PCDHA5: variants seen among roughly 807,000 people sequenced by gnomAD.
PCDHA5 encodes the protein protocadherin alpha 5.
A neutral mutation model predicts 61.6 loss-of-function variants in PCDHA5; 43 were observed. The ratio of observed to expected loss-of-function variants is 0.70; its 90% CI spans 0.55 to 0.90. The LOEUF is 0.90. Ranked by LOEUF, PCDHA5 falls within the 40% of genes least tolerant of loss-of-function variation. PCDHA5 has a pLI of 0.00. For missense variants in PCDHA5, 1,298 were observed against 1,222.7 expected (o/e 1.06, Z -0.92); for synonymous variants, 627 against 543.9 (o/e 1.15, Z -2.13).
At chr5:140,933,480 G>C (rs1255769578) in intron 1 of PCDHA5, among the ~76,000 whole-genome samples, 1 of 151,846 alleles carries the variant, frequency 6.6e-6, no homozygotes, top group South Asian at 2.1e-4. Flanking sequence ...ACACATTATG[G>C]TTATTCTTTA....
At chr5:140,962,673 C>T (rs1409804701) in intron 1 of PCDHA5, among the ~76,000 whole-genome samples, 2 of 152,164 alleles carry the variant, frequency 1.3e-5, no homozygotes, top group African/African-American at 4.8e-5. Flanking sequence ...TTCCCATCCA[C>T]TGGATGTTTT....
intron 3 of PCDHA5, among the ~76,000 whole-genome samples, chr5:141,000,558 G>C (rs1462892656): frequency 6.7e-6 from 1 of 149,136 alleles, no homozygotes; most frequent in African/African-American, 2.5e-5. Context: ...CTCCCGAGTA[G>C]CTGGGATTAC....
intron 1 of PCDHA5, among the ~76,000 whole-genome samples, chr5:140,844,717 G>A (rs1779511876): frequency 6.7e-6 from 1 of 149,352 alleles, no homozygotes. Context: ...TGGCCCATTA[G>A]TTCGTGTAAA....
intron 1 of PCDHA5, among the ~76,000 whole-genome samples, chr5:140,938,918 A>T (rs2092265154): frequency 6.6e-6 from 1 of 152,006 alleles, no homozygotes; most frequent in Non-Finnish European, 1.5e-5. Flanking sequence ...CACGCACAAG[A>T]AATTGGCTTT....
chr5:140,824,106 G>A lies in PCDHA5; in HGVS notation c.2331G>A (p.Gln777=). The change falls in exon 1 of 4, where the codon CAG becomes CAA. Residue 777 remains glutamine (Q), a synonymous_variant. Transcript: ENST00000529859. ...TGGCCTTCAGTCCAAGCCTTCCTCA[G>A]GGTCCCACCTCTACAGACAACGTGA... ...DLMAFSPSLP[Q]GPTSTDNPRQ... is the part of the protein sequence containing the mutation. 1 of 1,614,086 alleles carries A rather than the reference G, an allele frequency of 6.2e-7. No individual in the cohort carries two copies. Among genetic ancestry groups the A allele is most frequent in the Non-Finnish European group, 8.5e-7 (1 of 1,179,970 alleles).
intron 1 of PCDHA5, chr5:140,834,155 GT>G: frequency 3.7e-6 from 2 of 535,854 alleles, no homozygotes; most frequent in South Asian, 3.0e-5. Context: ...GTAATGGTTT[GT>G]AATTCTTACT....
At chr5:140,893,655 T>G (rs894439477) in intron 1 of PCDHA5, among the ~76,000 whole-genome samples, 1 of 152,200 alleles carries the variant, frequency 6.6e-6, no homozygotes, top group Non-Finnish European at 1.5e-5. Flanking sequence ...GCTGATAGTT[T>G]TAAAAAATTT....
chr5:140,849,752 C>T, intron 1 of PCDHA5: 1 of 1,598,394 alleles, frequency 6.3e-7, no homozygotes. Flanking sequence ...AGAGTGTGTC[C>T]GCCTACGAGC....
chr5:140,992,393 A>G (rs2097508684), intron 3 of PCDHA5, among the ~76,000 whole-genome samples: 1 of 152,180 alleles, frequency 6.6e-6, no homozygotes, highest in African/African-American at 2.4e-5. Context: ...TTCTGGACTT[A>G]GAGATATTGT....
intron 1 of PCDHA5, chr5:140,834,464 G>A (rs2150218984): frequency 2.5e-6 from 4 of 1,614,188 alleles, no homozygotes; most frequent in East Asian, 4.5e-5. Context: ...GGGAGGCAGG[G>A]AGAGGCCAGC....
chr5:140,850,541 G>T lies in PCDHA5; in HGVS notation c.2352+26414G>T. 3 of 1,598,386 alleles carry T rather than the reference G, an allele frequency of 1.9e-6. No individual in the cohort carries two copies. Among genetic ancestry groups the T allele is most frequent in the Non-Finnish European group, 2.6e-6 (3 of 1,167,870 alleles). ...AGGCGCCAAAGTCATCGTCGCGGGC[G>T]TCAGTGGGTGCCACGGGCCCCGAGG... On this transcript the variant is annotated intron_variant, in intron 1 of 3. Transcript: ENST00000529859.
chr5:140,852,714 G>T, intron 1 of PCDHA5: 2 of 980,718 alleles, frequency 2.0e-6, no homozygotes, highest in South Asian at 9.5e-5. Flanking sequence ...CTTTGTCTTT[G>T]CACGTTTTTC....
rs1554202543 is a variant in PCDHA5 at position 140,925,106 on chromosome 5, G to GA, written c.2353-53842dup. The stretch of plus-strand genomic sequence containing the variant: ...GAAAGGAAGGAAGGAAGGAAGGAAG[G>GA]AGGGAAGGAAGGAAGGAAAAAAAAT... On this transcript the variant is annotated intron_variant, in intron 1 of 3. Coordinates refer to ENST00000529859, the MANE Select transcript of PCDHA5 (RefSeq NM_018908.3). Among the ~76,000 whole-genome samples the GA allele has an allele frequency of 6.6e-3, 1,003 of 151,180 alleles. 6 individuals are homozygous for GA. Among genetic ancestry groups the GA allele is most frequent in the African/African-American group, 0.017 (687 of 41,108 alleles).
chr5:140,969,305 A>C (rs1481597194), intron 1 of PCDHA5: 1 of 1,614,206 alleles, frequency 6.2e-7, no homozygotes, highest in East Asian at 2.2e-5. Flanking sequence ...GATTATTCTC[A>C]AAAATGAGGC....
chr5:140,835,736 C>A lies in PCDHA5; in HGVS notation c.2352+11609C>A, dbSNP rs2150243450. 6.2e-6 allele frequency: 10 copies of A among 1,613,590 alleles called. No individual in the cohort carries two copies. The African/African-American group carries it at 1.1e-4, about 17-fold the overall frequency. ...TGGAGGTGGCCGACGTGAACGACAA[C>A]GCCCCGGCGTTCGCGCAGCCCGAGT... is the stretch of plus-strand genomic sequence containing the variant. On this transcript the variant is annotated intron_variant, in intron 1 of 3. Transcript: ENST00000529859.
intron 1 of PCDHA5, chr5:140,836,962 C>T: frequency 2.5e-6 from 1 of 398,834 alleles, no homozygotes; most frequent in Non-Finnish European, 4.4e-6. Flanking sequence ...TTTATGTTGG[C>T]TACTCTCCAT....
chr5:140,829,227 C>T (rs2150164224), intron 1 of PCDHA5: 1 of 1,614,240 alleles, frequency 6.2e-7, no homozygotes, highest in African/African-American at 1.3e-5. Context: ...GACCTCGATT[C>T]AGGTGCCAAC....
At chr5:140,828,537 A>T (rs2150156505) in intron 1 of PCDHA5, 2 of 1,614,236 alleles carry the variant, frequency 1.2e-6, no homozygotes, top group South Asian at 1.1e-5. Flanking sequence ...AGGCTGCCAG[A>T]TTCTGTGTTT....
At chr5:140,948,727 T>C (rs2094298087) in intron 1 of PCDHA5, among the ~76,000 whole-genome samples, 2 of 151,670 alleles carry the variant, frequency 1.3e-5, no homozygotes, top group Admixed American at 1.3e-4. Flanking sequence ...TATCAATAAG[T>C]CTAGCTGAGA....
Sources: allele counts gnomAD v4.1 joint callset (sites outside exome capture counted in the v4.1 genomes callset), GRCh38; gene constraint gnomAD v4.1.1; transcripts MANE v1.5; gene names NCBI Gene and HGNC (gene_info 2026-07-23, HGNC 2026-07-21).